Variants in TMEM135 observed in about 807,000 individuals in gnomAD.
The protein encoded by TMEM135 is peroxisomal membrane protein 52.
TMEM135 carries 30 observed loss-of-function variants against 60.3 expected under a neutral mutation model. The observed-to-expected ratio is 0.50, with a 90% CI of 0.37 to 0.68. The LOEUF (loss-of-function observed/expected upper bound fraction) is 0.68, where lower values mean the gene tolerates loss of function less well. Among genes scored for constraint, TMEM135 ranks in the 30% least tolerant of loss-of-function variants. TMEM135 has a pLI of 0.00. For synonymous variants in TMEM135, 190 were observed against 186.7 expected (o/e 1.02, Z -0.14); for missense variants, 468 against 548.8 (o/e 0.85, Z 1.47).
chr11:87,124,082 A>C (rs1289122630), intron 4 of TMEM135, among the ~76,000 whole-genome samples: 1 of 152,198 alleles, frequency 6.6e-6, no homozygotes, highest in African/African-American at 2.4e-5. Context: ...ATAATCCTTA[A>C]TCTCTTGTTT....
At chr11:87,290,684 A>G (rs1196922869) in intron 6 of TMEM135, among the ~76,000 whole-genome samples, 2 of 152,176 alleles carry the variant, frequency 1.3e-5, no homozygotes, top group Non-Finnish European at 2.9e-5. Context: ...ATAGTATGCG[A>G]TTCCAACCTG....
intron 4 of TMEM135, among the ~76,000 whole-genome samples, chr11:87,097,153 T>A (rs911512467): frequency 6.6e-6 from 1 of 152,118 alleles, no homozygotes; most frequent in Admixed American, 6.6e-5. Flanking sequence ...CACACTGCCA[T>A]GCCTGGCTAA....
chr11:87,054,114 A>G (rs1446022143), intron 1 of TMEM135, among the ~76,000 whole-genome samples: 1 of 152,248 alleles, frequency 6.6e-6, no homozygotes, highest in African/African-American at 2.4e-5. Flanking sequence ...AGAAGATTTT[A>G]ACTAACTTGG....
At chr11:87,291,512 GTGATTTTT>G in intron 6 of TMEM135, among the ~76,000 whole-genome samples, 1 of 112,332 alleles carries the variant, frequency 8.9e-6, no homozygotes, top group African/African-American at 3.2e-5. Flanking sequence ...CAGCAGCCAA[GTGATTTTT>G]TTTTTTTTTT....
intron 4 of TMEM135, among the ~76,000 whole-genome samples, chr11:87,108,098 T>A (rs1016765325): frequency 6.6e-6 from 1 of 152,196 alleles, no homozygotes; most frequent in African/African-American, 2.4e-5. Flanking sequence ...TGCCCACTTG[T>A]TGATGGGGTT....
At chr11:87,240,090 G>A (rs186598216) in intron 6 of TMEM135, among the ~76,000 whole-genome samples, 122 of 152,156 alleles carry the variant, frequency 8.0e-4, no homozygotes, top group African/African-American at 2.8e-3. Flanking sequence ...GGTACTGTGC[G>A]AGGAGAGGGC....
In TMEM135 at chr11:87,075,316, A is replaced by AT. The variant is rs945983028; in HGVS notation, c.362+3712dup. 8.6e-3 allele frequency among the ~76,000 whole-genome samples: 1,256 copies of AT among 146,480 alleles called. 23 individuals carry two copies. The highest frequency in any genetic ancestry group is 0.029 in the African/African-American group (1,167 of 40,184). ...TGGGACTATAGGTGCCCGCCAGCTA[A>AT]TTTTTTTTTTTGTATTTTTAGTAGA... On this transcript the variant is annotated intron_variant, in intron 3 of 14. Coordinates refer to ENST00000305494, the MANE Select transcript of TMEM135 (RefSeq NM_022918.4).
In TMEM135 at chr11:87,127,511, G is replaced by A. The variant is rs551498827; in HGVS notation, c.397-29830G>A. 2.4e-3 allele frequency among the ~76,000 whole-genome samples: 368 copies of A among 152,250 alleles called. 8 individuals are homozygous for A. In the South Asian group the frequency reaches 0.033, roughly 14 times the overall value. On this transcript the variant is annotated intron_variant, in intron 4 of 14. Transcript: ENST00000305494. ...CCCATTCTAAGTTATGTGTGGAATT[G>A]AACTTGTATGATACTCTGATGTAGT...
At chr11:87,249,120 G>T (rs116282453) in intron 6 of TMEM135, among the ~76,000 whole-genome samples, 2,339 of 152,256 alleles carry the variant, frequency 0.015, 61 homozygotes, top group African/African-American at 0.052. Flanking sequence ...AGGACTTCCA[G>T]TACTACGTTG....
chr11:87,145,688 AT>A (rs35881264), intron 4 of TMEM135, among the ~76,000 whole-genome samples: 9 of 150,732 alleles, frequency 6.0e-5, no homozygotes, highest in Admixed American at 5.9e-4. Context: ...TCTGATGTTG[AT>A]TTTTTTTTCA....
intron 1 of TMEM135, among the ~76,000 whole-genome samples, chr11:87,047,440 C>T (rs902196624): frequency 2.6e-5 from 4 of 151,166 alleles, no homozygotes; most frequent in African/African-American, 4.9e-5. Context: ...AGACAGTGGG[C>T]GCAGGCCAGT....
intron 4 of TMEM135, among the ~76,000 whole-genome samples, chr11:87,093,199 ATTTACCTG>A (rs1857249162): frequency 6.6e-6 from 1 of 151,914 alleles, no homozygotes; most frequent in Admixed American, 6.6e-5. Flanking sequence ...TAACTCATCT[ATTTACCTG>A]TTTCCATTTA....
chr11:87,203,372 C>T (rs995238238), intron 5 of TMEM135, among the ~76,000 whole-genome samples: 1 of 152,072 alleles, frequency 6.6e-6, no homozygotes, highest in African/African-American at 2.4e-5. Flanking sequence ...TCCTTTAACC[C>T]CCTGAAACCC....
Position 87,321,202 on chromosome 11 carries a change from T to C in TMEM135, c.1246T>C (p.Phe416Leu). The C allele has an allele frequency of 5.6e-6, 9 of 1,612,402 alleles. No homozygotes were observed. The highest frequency in any genetic ancestry group is 7.6e-6 in the Non-Finnish European group (9 of 1,178,564). The change falls in exon 15 of 15, where the codon TTT becomes CTT. Residue 416 changes from phenylalanine (F) to leucine (L), a missense_variant and splice_region_variant. Physicochemically the swap from Phe to Leu is conservative, Grantham distance 22. Coordinates refer to ENST00000305494, the MANE Select transcript of TMEM135 (RefSeq NM_022918.4). ...KFLLRLTKGK[F>L]AVMNRKVLDV... is the part of the protein sequence containing the mutation. ...TTTACTGTATTCTTTGTTTTACAGA[T>C]TTGCTGTCATGAACCGAAAAGTCCT...
At chr11:87,212,294 A>G (rs1485300249) in intron 5 of TMEM135, among the ~76,000 whole-genome samples, 1 of 152,062 alleles carries the variant, frequency 6.6e-6, no homozygotes, top group Non-Finnish European at 1.5e-5. Flanking sequence ...TCTCGCCCCA[A>G]TTGTGAGAGT....
At chr11:87,226,916 G>A (rs890631762) in intron 5 of TMEM135, among the ~76,000 whole-genome samples, 1 of 152,144 alleles carries the variant, frequency 6.6e-6, no homozygotes, top group African/African-American at 2.4e-5. Flanking sequence ...GGGTGTGGTG[G>A]CAAATGCCTA....
At chr11:87,240,785 T>C (rs1442403599) in intron 6 of TMEM135, among the ~76,000 whole-genome samples, 1 of 152,156 alleles carries the variant, frequency 6.6e-6, no homozygotes, top group African/African-American at 2.4e-5. Context: ...GTAAAGTGTA[T>C]TATAACTCCT....
intron 4 of TMEM135, among the ~76,000 whole-genome samples, chr11:87,133,762 G>T (rs984861184): frequency 2.0e-5 from 3 of 151,752 alleles, no homozygotes; most frequent in Non-Finnish European, 4.4e-5. Flanking sequence ...GCATTTTCTG[G>T]AGTTTTATAT....
At position 87,122,714 on chromosome 11, in the gene TMEM135, G is replaced by A. The variant is rs1042120006; in HGVS notation, c.396+31319G>A. Among the ~76,000 whole-genome samples, 3 of 152,154 alleles carry A rather than the reference G, an allele frequency of 2.0e-5. No individual in the cohort carries two copies. The South Asian group carries it at 6.2e-4, about 32-fold the overall frequency. ...GACCTCAGGTGACCCACCCGCCTTG[G>A]CCTCCCAAAGTGCTGGGATTACAGG... On this transcript the variant is annotated intron_variant, in intron 4 of 14. Transcript: ENST00000305494.
Sources: allele counts gnomAD v4.1 joint callset (sites outside exome capture counted in the v4.1 genomes callset), GRCh38; gene constraint gnomAD v4.1.1; transcripts MANE v1.5; gene names NCBI Gene and HGNC (gene_info 2026-07-23, HGNC 2026-07-21).